RUNX2: variants seen among roughly 807,000 people sequenced by gnomAD.
The protein encoded by RUNX2 is RUNX family transcription factor 2, also known as runt-related transcription factor 2.
A neutral mutation model predicts 51.7 loss-of-function variants in RUNX2; 10 were observed. The observed-to-expected ratio is 0.19, with a 90% CI of 0.12 to 0.33. The LOEUF is 0.33. Among genes scored for constraint, RUNX2 ranks in the 10% least tolerant of loss-of-function variants. The pLI is 1.00. For synonymous variants in RUNX2, 276 were observed against 273.6 expected (o/e 1.01, Z -0.09); for missense variants, 562 against 691.3 (o/e 0.81, Z 2.10).
At chr6:45,507,529 T>C (rs988047821) in intron 6 of RUNX2, among the ~76,000 whole-genome samples, 1 of 152,214 alleles carries the variant, frequency 6.6e-6, no homozygotes, top group African/African-American at 2.4e-5. Context: ...AAATATGTTG[T>C]AATCATGTAT....
At chr6:45,328,639 T>C (rs373512479) in intron 1 of RUNX2, 22 bp from the exon 2 acceptor site, 11 of 1,610,228 alleles carry the variant, frequency 6.8e-6, no homozygotes, top group Non-Finnish European at 9.3e-6. Flanking sequence ...AAACAAGGTT[T>C]GGGTATGGTT....
rs79603856 is a variant in RUNX2, at chr6:45,380,538, A to G, written c.59-42055A>G. On this transcript the variant is annotated intron_variant, in intron 2 of 8. Transcript: ENST00000647337. ...CAAAAGAGCAGCAGAAGTCATGGCTAATATGGAACCATCTCTCTGATTCCA... is the reference window on the plus strand; with the variant it reads ...CAAAAGAGCAGCAGAAGTCATGGCTGATATGGAACCATCTCTCTGATTCCA... Among the ~76,000 whole-genome samples the G allele has an allele frequency of 2.6e-3, 396 of 152,316 alleles. 2 individuals are homozygous for G. Among genetic ancestry groups the G allele is most frequent in the African/African-American group, 8.7e-3 (362 of 41,570 alleles).
intron 2 of RUNX2, among the ~76,000 whole-genome samples, chr6:45,417,930 T>C (rs1798098426): frequency 6.6e-6 from 1 of 152,232 alleles, no homozygotes; most frequent in Non-Finnish European, 1.5e-5. Flanking sequence ...TGGGCCATAG[T>C]ATGACGACTC....
intron 5 of RUNX2, among the ~76,000 whole-genome samples, chr6:45,456,081 G>T (rs765710619): frequency 2.0e-5 from 3 of 151,960 alleles, no homozygotes; most frequent in Non-Finnish European, 4.4e-5. Flanking sequence ...TATACAGGAA[G>T]ATCTGTTGTA....
At chr6:45,445,346 T>G (rs541791312) in intron 5 of RUNX2, among the ~76,000 whole-genome samples, 2 of 152,104 alleles carry the variant, frequency 1.3e-5, no homozygotes, top group African/African-American at 4.8e-5. Context: ...TATTTAGAGA[T>G]TGGTCACATG....
intron 4 of RUNX2, among the ~76,000 whole-genome samples, chr6:45,433,633 ATTT>A (rs1353440477): frequency 6.6e-6 from 1 of 152,152 alleles, no homozygotes; most frequent in Non-Finnish European, 1.5e-5. Flanking sequence ...TTTCTGATCA[ATTT>A]AAGTAGAAAG....
intron 5 of RUNX2, among the ~76,000 whole-genome samples, chr6:45,490,808 C>G (rs1800438709): frequency 6.6e-6 from 1 of 152,128 alleles, no homozygotes; most frequent in Non-Finnish European, 1.5e-5. Context: ...TTCCTCGAAT[C>G]AGCTTCAGTT....
chr6:45,467,098 C>A (rs1211113770), intron 5 of RUNX2, among the ~76,000 whole-genome samples: 1 of 152,084 alleles, frequency 6.6e-6, no homozygotes, highest in Non-Finnish European at 1.5e-5. Context: ...GGTTGCTTAG[C>A]CATGGTCCAT....
intron 5 of RUNX2, among the ~76,000 whole-genome samples, chr6:45,470,449 G>A (rs1202045863): frequency 1.3e-5 from 2 of 152,180 alleles, no homozygotes; most frequent in Non-Finnish European, 2.9e-5. Flanking sequence ...GATGTACTCT[G>A]CCTTCAAGGA....
intron 7 of RUNX2, among the ~76,000 whole-genome samples, chr6:45,513,962 A>G (rs1315470023): frequency 1.3e-5 from 2 of 152,220 alleles, no homozygotes; most frequent in Non-Finnish European, 2.9e-5. Flanking sequence ...TCTGCATTTC[A>G]TACTGAGAGG....
At chr6:45,447,383 T>G (rs1183542950) in intron 5 of RUNX2, among the ~76,000 whole-genome samples, 3 of 152,244 alleles carry the variant, frequency 2.0e-5, no homozygotes, top group Non-Finnish European at 4.4e-5. Context: ...TATTTCCATA[T>G]CTCTCTCTTT....
intron 2 of RUNX2, among the ~76,000 whole-genome samples, chr6:45,384,014 T>C (rs115192108): frequency 0.02 from 3,060 of 152,306 alleles, 59 homozygotes; most frequent in South Asian, 0.085. Flanking sequence ...TTTTCCTCTT[T>C]CCAGAATATG....
chr6:45,367,365 A>G (rs1795318345), intron 2 of RUNX2, among the ~76,000 whole-genome samples: 1 of 152,176 alleles, frequency 6.6e-6, no homozygotes. Flanking sequence ...TTTTAAGCCT[A>G]AATTTGTGCC....
At chr6:45,343,280 C>A (rs1042112531) in intron 2 of RUNX2, among the ~76,000 whole-genome samples, 1 of 152,052 alleles carries the variant, frequency 6.6e-6, no homozygotes, top group Non-Finnish European at 1.5e-5. Flanking sequence ...GAGGCCGAGG[C>A]GGGCAGACCA....
At chr6:45,340,953 T>C (rs1430106397) in intron 2 of RUNX2, among the ~76,000 whole-genome samples, 4 of 152,130 alleles carry the variant, frequency 2.6e-5, no homozygotes, top group Admixed American at 6.6e-5. Context: ...CCTACACATA[T>C]GCTAAGTGAT....
intron 7 of RUNX2, among the ~76,000 whole-genome samples, chr6:45,541,279 A>C (rs185695026): frequency 1.4e-3 from 217 of 152,370 alleles, no homozygotes; most frequent in African/African-American, 5.0e-3. Context: ...AAACAGACTA[A>C]GAAACAGCTA....
At chr6:45,535,932 A>G (rs1802020540) in intron 7 of RUNX2, among the ~76,000 whole-genome samples, 1 of 151,994 alleles carries the variant, frequency 6.6e-6, no homozygotes, top group East Asian at 1.9e-4. Context: ...CTGGAAAGGT[A>G]AGTTGGGACA....
chr6:45,480,084 T>A (rs919198112), intron 5 of RUNX2, among the ~76,000 whole-genome samples: 1 of 152,204 alleles, frequency 6.6e-6, no homozygotes, highest in Non-Finnish European at 1.5e-5. Flanking sequence ...ATACTGGGAT[T>A]AACACAATAG....
intron 7 of RUNX2, among the ~76,000 whole-genome samples, chr6:45,518,018 C>A (rs759933922): frequency 6.6e-6 from 1 of 152,070 alleles, no homozygotes; most frequent in Non-Finnish European, 1.5e-5. Flanking sequence ...GGGAGGAATG[C>A]CTTAAGAAAG....
Sources: allele counts gnomAD v4.1 joint callset (sites outside exome capture counted in the v4.1 genomes callset), GRCh38; gene constraint gnomAD v4.1.1; transcripts MANE v1.5; gene names NCBI Gene and HGNC (gene_info 2026-07-23, HGNC 2026-07-21).